The following UTP20 variants were observed in gnomAD, a reference collection of about 807,000 sequenced individuals.
The protein encoded by UTP20 is small subunit processome component 20 homolog.
Under a neutral mutation model 329.5 loss-of-function variants are expected in UTP20, and 164 were observed. The ratio of observed to expected loss-of-function variants is 0.50; its 90% CI spans 0.44 to 0.57. The LOEUF (loss-of-function observed/expected upper bound fraction) is 0.57. UTP20 is among the 20% of genes least tolerant of loss of function. UTP20 has a pLI of 0.00. For missense variants in UTP20, 3,055 were observed against 3,284.2 expected (o/e 0.93, Z 1.71); for synonymous variants, 1,151 against 1,159.3 (o/e 0.99, Z 0.14).
chr12:101,325,319 A>G (rs147548371), intron 25 of UTP20, among the ~76,000 whole-genome samples: 85 of 152,288 alleles, frequency 5.6e-4, no homozygotes, highest in African/African-American at 1.9e-3. Context: ...TCTCATCTCA[A>G]ATGTGTCCTT....
chr12:101,341,169 G>C (rs11110758), intron 32 of UTP20, among the ~76,000 whole-genome samples: 65,174 of 151,358 alleles, frequency 0.43, 17,236 homozygotes, highest in East Asian at 0.92. Flanking sequence ...ATAGGGATGG[G>C]GTTTCACCGT....
chr12:101,282,114 A>C (rs1871820006), intron 2 of UTP20, among the ~76,000 whole-genome samples: 1 of 152,154 alleles, frequency 6.6e-6, no homozygotes, highest in Non-Finnish European at 1.5e-5. Flanking sequence ...TCAGTTCGTA[A>C]TATTCTTCTT....
chr12:101,342,074 G>A (rs1240646128), intron 32 of UTP20, among the ~76,000 whole-genome samples: 1 of 152,038 alleles, frequency 6.6e-6, no homozygotes. Flanking sequence ...TTTTATATAA[G>A]GGACTTAAAC....
intron 25 of UTP20, among the ~76,000 whole-genome samples, chr12:101,324,340 C>T (rs1052104556): frequency 2.0e-5 from 3 of 151,768 alleles, no homozygotes; most frequent in African/African-American, 7.3e-5. Flanking sequence ...TGGGCTCGAG[C>T]GATCCTCCCG....
At chr12:101,305,102 T>G (rs1872615266) in intron 15 of UTP20, among the ~76,000 whole-genome samples, 1 of 152,062 alleles carries the variant, frequency 6.6e-6, no homozygotes. Context: ...TCCCTGCATG[T>G]CAATCTCTTT....
At chr12:101,385,816 G>C in intron 61 of UTP20, 88 bp downstream of exon 61, 1 of 1,527,058 alleles carries the variant, frequency 6.5e-7, no homozygotes, top group Non-Finnish European at 8.8e-7. Flanking sequence ...CACTTAGGGA[G>C]GATCAAGGGT....
intron 14 of UTP20, among the ~76,000 whole-genome samples, chr12:101,301,948 A>G (rs1872532224): frequency 6.6e-6 from 1 of 151,862 alleles, no homozygotes; most frequent in Non-Finnish European, 1.5e-5. Context: ...ATTTATTTTG[A>G]GACTGTCTTG....
chr12:101,385,090 C>T (rs1424072036), intron 60 of UTP20, among the ~76,000 whole-genome samples: 1 of 138,522 alleles, frequency 7.2e-6, no homozygotes, highest in South Asian at 2.5e-4. Flanking sequence ...TTTTGACACT[C>T]CCCCGCCAAA....
intron 21 of UTP20, among the ~76,000 whole-genome samples, chr12:101,316,113 G>C (rs1295203025): frequency 1.3e-5 from 2 of 151,950 alleles, no homozygotes; most frequent in Admixed American, 6.5e-5. Flanking sequence ...TTTATTTTTT[G>C]GCTAGCAATT....
rs776935849 is a variant in UTP20, at chr12:101,342,827, A to G, written c.4286A>G (p.Asp1429Gly). ...DFESGLKYIT[D>G]VVKLNAFDQR... ...GAGAGTGGGTTAAAATATATTACTG[A>G]TGTTGTCAAGGTAAGAAAGAAGGGT... Residue 1429 changes from aspartate (D) to glycine (G), a missense_variant, in exon 34 of 62, where the codon GAT becomes GGT. Around this residue, in one of 3 missense-constraint regions of UTP20, gnomAD observed 2,445 missense variants for 2,575.5 expected, o/e 0.95. Coordinates refer to ENST00000261637, the MANE Select transcript of UTP20 (RefSeq NM_014503.3). 6 of 1,613,256 alleles carry G rather than the reference A, an allele frequency of 3.7e-6. No individual in the cohort carries two copies. Among genetic ancestry groups the G allele is most frequent in the African/African-American group, 1.3e-5 (1 of 74,908 alleles).
intron 27 of UTP20, among the ~76,000 whole-genome samples, chr12:101,330,015 A>T (rs551999983): frequency 6.6e-6 from 1 of 150,838 alleles, no homozygotes; most frequent in African/African-American, 2.4e-5. Context: ...AAAAAGAAAG[A>T]AAAAAAAAGG....
rs764033063 is a variant in UTP20 at position 101,286,402 on chromosome 12, C to T, written c.408C>T (p.Ile136=). Residue 136 remains isoleucine, a synonymous_variant, in exon 5 of 62, where the codon ATC becomes ATT. Coordinates refer to ENST00000261637, the MANE Select transcript of UTP20 (RefSeq NM_014503.3). ...AGTTTTTTTTGACTATCACCTCGAT[C>T]CTGGAGACTCAGGACACAGAGTTGT... ...FPEFFLTITS[I]LETQDTELLE... 3 of 1,613,806 alleles carry T rather than the reference C, an allele frequency of 1.9e-6. No individual in the cohort carries two copies. In the South Asian group the frequency reaches 3.3e-5, roughly 18 times the overall value.
intron 56 of UTP20, among the ~76,000 whole-genome samples, chr12:101,376,495 T>C (rs767066317): frequency 6.6e-6 from 1 of 152,186 alleles, no homozygotes; most frequent in Non-Finnish European, 1.5e-5. Flanking sequence ...CTTTACAGCA[T>C]GTACTGTACT....
intron 35 of UTP20, 69 bp downstream of exon 35, chr12:101,343,162 G>T: frequency 9.1e-7 from 1 of 1,098,786 alleles, no homozygotes; most frequent in South Asian, 2.3e-5. Context: ...CTAATACAGT[G>T]ACCTGATCTT....
At position 101,379,363 on chromosome 12, in the gene UTP20, T is replaced by A. The variant is rs1444868818; in HGVS notation, c.7397-8T>A. ...GTGACATCCACAAATGCTTTTTGGT[T>A]CCCTTAGGTCATGTGCATTCTCACC... On this transcript the variant is annotated splice_polypyrimidine_tract_variant and splice_region_variant and intron_variant, in intron 56 of 61. Transcript: ENST00000261637. The A allele has an allele frequency of 6.4e-7, 1 of 1,571,320 alleles. No homozygotes were observed. Among genetic ancestry groups the A allele is most frequent in the Non-Finnish European group, 8.7e-7 (1 of 1,155,976 alleles).
At chr12:101,286,270 G>A in intron 4 of UTP20, 51 bp from the exon 5 acceptor site, 2 of 1,486,250 alleles carry the variant, frequency 1.3e-6, no homozygotes, top group Non-Finnish European at 1.8e-6. Context: ...AAGTAGATTT[G>A]TAGCCTTTTA....
intron 16 of UTP20, 105 bp from the exon 17 acceptor site, chr12:101,306,594 T>C: frequency 1.9e-6 from 2 of 1,053,976 alleles, no homozygotes. Flanking sequence ...GGTCAAATGG[T>C]ATTTTTTTTT....
At chr12:101,337,562 T>C (rs1240051403) in intron 29 of UTP20, among the ~76,000 whole-genome samples, 1 of 152,232 alleles carries the variant, frequency 6.6e-6, no homozygotes, top group African/African-American at 2.4e-5. Context: ...TTCCATATCC[T>C]AATCAATAAA....
At position 101,295,671 on chromosome 12, in the gene UTP20, T is replaced by A; in HGVS notation, c.1430+13T>A. ...CGCAGATGGTGGGGTGAGTTCTAAC[T>A]TTTTATTCCTGTAATGATGATAAGT... On this transcript the variant is annotated intron_variant, in intron 12 of 61. Coordinates refer to ENST00000261637, the MANE Select transcript of UTP20 (RefSeq NM_014503.3). The A allele has an allele frequency of 1.9e-6, 3 of 1,583,182 alleles. No individual in the cohort carries two copies. The highest frequency in any genetic ancestry group is 2.6e-6 in the Non-Finnish European group (3 of 1,161,928).
Sources: allele counts gnomAD v4.1 joint callset (sites outside exome capture counted in the v4.1 genomes callset), GRCh38; gene constraint gnomAD v4.1.1; regional missense constraint gnomAD v4.1.1; transcripts MANE v1.5; gene names NCBI Gene and HGNC (gene_info 2026-07-23, HGNC 2026-07-21).